The following SVOPL variants were observed in gnomAD, a reference collection of about 807,000 sequenced individuals.
The protein encoded by SVOPL is SVOP like, also known as putative transporter SVOPL.
In SVOPL, 60 loss-of-function variants were observed where a neutral mutation model predicts 61.0. The observed-to-expected ratio is 0.98, with a 90% confidence interval of 0.80 to 1.22. The LOEUF is 1.22. Ranked by LOEUF, SVOPL falls within the 50% of genes most tolerant of loss-of-function variation. The pLI, the probability that SVOPL is intolerant of heterozygous loss-of-function variation, is 0.00. For synonymous variants in SVOPL, 279 were observed against 250.0 expected (o/e 1.12, Z -1.09); for missense variants, 662 against 643.9 (o/e 1.03, Z -0.30).
chr7:138,693,561 G>GAAAGAAAGA (rs1563140843), intron 1 of SVOPL, among the ~76,000 whole-genome samples: 1 of 66,178 alleles, frequency 1.5e-5, no homozygotes, highest in Non-Finnish European at 3.0e-5. Flanking sequence ...AAGAAAGAAA[G>GAAAGAAAGA]AAAGAAAGAA....
At chr7:138,601,617 G>A (rs148637597) in intron 14 of SVOPL, among the ~76,000 whole-genome samples, 1 of 152,000 alleles carries the variant, frequency 6.6e-6, no homozygotes, top group Non-Finnish European at 1.5e-5. Flanking sequence ...AGGGGGAAAT[G>A]GGAAGATGTA....
intron 9 of SVOPL, among the ~76,000 whole-genome samples, chr7:138,642,593 G>A (rs577591265): frequency 6.6e-6 from 1 of 151,926 alleles, no homozygotes; most frequent in Non-Finnish European, 1.5e-5. Context: ...TTGGGAGCCT[G>A]AGGTGGGCAG....
At chr7:138,697,548 C>T (rs1188060428) in intron 1 of SVOPL, among the ~76,000 whole-genome samples, 1 of 145,994 alleles carries the variant, frequency 6.8e-6, no homozygotes, top group African/African-American at 2.5e-5. Flanking sequence ...GTGGGGGCTC[C>T]AGTGAACCGT....
chr7:138,608,554 C>T (rs1159890617), intron 14 of SVOPL, among the ~76,000 whole-genome samples: 1 of 152,196 alleles, frequency 6.6e-6, no homozygotes, highest in African/African-American at 2.4e-5. Context: ...CAGACGCCCA[C>T]GGCCTGGAAG....
intron 9 of SVOPL, among the ~76,000 whole-genome samples, chr7:138,640,647 G>A (rs190701165): frequency 2.0e-4 from 31 of 152,268 alleles, no homozygotes; most frequent in Non-Finnish European, 2.8e-4. Flanking sequence ...ATTATCCTAA[G>A]AAAATTAATG....
At chr7:138,619,877 C>T (rs568141772) in intron 14 of SVOPL, among the ~76,000 whole-genome samples, 4 of 152,124 alleles carry the variant, frequency 2.6e-5, no homozygotes, top group African/African-American at 7.2e-5. Context: ...GGTTTGTGTT[C>T]GGGATTTGTG....
intron 1 of SVOPL, among the ~76,000 whole-genome samples, chr7:138,684,462 G>A (rs78226070): frequency 0.023 from 3,536 of 152,056 alleles, 55 homozygotes; most frequent in Non-Finnish European, 0.037. Context: ...GTTTTCAAGT[G>A]AAGACATACA....
At position 138,663,129 on chromosome 7, in the gene SVOPL, T is replaced by C; in HGVS notation, c.290A>G (p.Tyr97Cys). Reference sequence around the variant, plus strand: ...GCCAAAGAGGATACTGAAAACCATGTAGCCAAAAAACACCATCTGCAAGTG... The same window carrying C: ...GCCAAAGAGGATACTGAAAACCATGCAGCCAAAAAACACCATCTGCAAGTG... ...ALVTTMVFFG[Y>C]MVFSILFGLL... is the part of the protein sequence containing the mutation. Residue 97 changes from tyrosine (Y) to cysteine (C), a missense_variant, in exon 5 of 16, where the codon TAC becomes TGC. By Grantham distance (194) the Tyr-to-Cys change is radical (BLOSUM62 -2). Coordinates refer to ENST00000674285, the MANE Select transcript of SVOPL (RefSeq NM_001139456.2). 6.2e-7 allele frequency: 1 copy of C among 1,614,008 alleles called. No homozygotes were observed. The highest frequency in any genetic ancestry group is 1.1e-5 in the South Asian group (1 of 90,998).
At chr7:138,689,355 C>T (rs964684934) in intron 1 of SVOPL, 62 of 1,589,180 alleles carry the variant, frequency 3.9e-5, no homozygotes, top group African/African-American at 1.1e-4. Flanking sequence ...ACCTAAGATG[C>T]GCCGCCGGAT....
At chr7:138,641,061 G>T (rs1800756705) in intron 9 of SVOPL, among the ~76,000 whole-genome samples, 2 of 151,864 alleles carry the variant, frequency 1.3e-5, no homozygotes, top group African/African-American at 2.4e-5. Context: ...AAATTAGCTG[G>T]GTATGATGGC....
At chr7:138,697,068 G>T (rs954517182) in intron 1 of SVOPL, among the ~76,000 whole-genome samples, 1 of 152,122 alleles carries the variant, frequency 6.6e-6, no homozygotes, top group African/African-American at 2.4e-5. Flanking sequence ...CCATTGAAAT[G>T]TTCATTTTAA....
intron 14 of SVOPL, among the ~76,000 whole-genome samples, chr7:138,607,077 C>T (rs566414276): frequency 6.1e-4 from 92 of 151,364 alleles, no homozygotes; most frequent in Non-Finnish European, 9.4e-4. Flanking sequence ...GAAGGAAAAG[C>T]TCAAGGTGCC....
At chr7:138,599,145 A>AC (rs1563078104) in intron 14 of SVOPL, among the ~76,000 whole-genome samples, 3 of 58,662 alleles carry the variant, frequency 5.1e-5, no homozygotes, top group African/African-American at 1.8e-4. Context: ...CGTCTCCAAA[A>AC]AAAAAAAAAA....
chr7:138,631,298 G>T lies in SVOPL; in HGVS notation c.790-1176C>A, dbSNP rs973830183. On this transcript the variant is annotated intron_variant, in intron 9 of 15. Transcript: ENST00000674285. ...GAAATAAGCACATCATGGAAAATGGGGTATCCATCCCCTCAACCATCTATC... is the reference window on the plus strand; with the variant it reads ...GAAATAAGCACATCATGGAAAATGGTGTATCCATCCCCTCAACCATCTATC... Among the ~76,000 whole-genome samples the T allele has an allele frequency of 3.3e-5, 5 of 152,064 alleles. No individual in the cohort carries two copies. In the East Asian group the frequency reaches 9.7e-4, roughly 29 times the overall value.
At chr7:138,664,751 C>T (rs1427265046) in intron 4 of SVOPL, among the ~76,000 whole-genome samples, 2 of 149,050 alleles carry the variant, frequency 1.3e-5, no homozygotes, top group Non-Finnish European at 3.0e-5. Context: ...TCTCTTGCGC[C>T]CTTCCCCCCT....
intron 1 of SVOPL, chr7:138,689,088 A>T: frequency 1.3e-6 from 1 of 744,290 alleles, no homozygotes; most frequent in South Asian, 1.3e-5. Context: ...CCAGGTCATC[A>T]AGGGTATGCA....
intron 14 of SVOPL, among the ~76,000 whole-genome samples, chr7:138,616,547 G>A (rs1389258283): frequency 6.6e-6 from 1 of 152,068 alleles, no homozygotes; most frequent in African/African-American, 2.4e-5. Context: ...TGTTGGTCAG[G>A]CTGGTCTCGA....
At chr7:138,667,424 G>T (rs1802293999) in intron 4 of SVOPL, among the ~76,000 whole-genome samples, 1 of 152,146 alleles carries the variant, frequency 6.6e-6, no homozygotes, top group Admixed American at 6.5e-5. Context: ...AATGTTGATT[G>T]CAAGCTCATC....
intron 8 of SVOPL, among the ~76,000 whole-genome samples, chr7:138,647,394 T>C (rs1388753214): frequency 6.8e-6 from 1 of 146,790 alleles, no homozygotes; most frequent in Non-Finnish European, 1.5e-5. Flanking sequence ...AAAAGAAAAA[T>C]GAAAAAAAGA....
Sources: gnomAD v4.1 joint callset for allele counts (sites outside exome capture counted in the v4.1 genomes callset) on GRCh38, gnomAD v4.1.1 for gene constraint, MANE v1.5 for transcripts, NCBI Gene and HGNC (gene_info 2026-07-23, HGNC 2026-07-21) for gene names.